ISY1: variants seen among roughly 807,000 people sequenced by gnomAD.
ISY1 encodes ISY1 spliceosome associated protein.
ISY1 carries 12 observed loss-of-function variants against 54.4 expected under a neutral mutation model. The observed-to-expected ratio is 0.22, with a 90% CI of 0.14 to 0.36. The LOEUF (loss-of-function observed/expected upper bound fraction) is 0.36, where lower values mean the gene tolerates loss of function less well. Among genes scored for constraint, ISY1 ranks in the 10% least tolerant of loss-of-function variants. The probability of loss-of-function intolerance (pLI) is 1.00; values close to 1 mark genes in which losing one functional copy is unlikely to be tolerated. For synonymous variants in ISY1, 96 were observed against 117.9 expected, an observed-to-expected ratio of 0.81 and a Z score of 1.20; for missense variants, 282 against 342.2, an observed-to-expected ratio of 0.82 and a Z score of 1.39.
At position 129,134,843 on chromosome 3, in the gene ISY1, T is replaced by C. The variant is rs1357806864; in HGVS notation, c.530A>G (p.Tyr177Cys). 2.5e-6 allele frequency: 4 copies of C among 1,608,444 alleles called. No homozygotes were observed. In the African/African-American group the frequency reaches 4.0e-5, roughly 16 times the overall value. ...GCCCAGAGACCTACGTTTCTTTTCA[T>C]ATTCCTGTTCCAAAGGCACAATAAC... ...DGVIVPLEQE[Y>C]EKKLRAELVE... The change falls in exon 8 of 11, where the codon TAT becomes TGT. Residue 177 changes from tyrosine to cysteine, a missense_variant. This residue lies in a region of ISY1 where 279 missense variants were observed against 323.6 expected (regional missense o/e 0.86). Transcript: ENST00000393295.
intron 5 of ISY1, 55 bp from the exon 6 acceptor site, chr3:129,145,928 C>G: frequency 2.0e-6 from 3 of 1,533,812 alleles, no homozygotes; most frequent in Non-Finnish European, 2.7e-6. Flanking sequence ...GTCAACACCT[C>G]TAACACGTAC....
intron 5 of ISY1, among the ~76,000 whole-genome samples, chr3:129,151,865 G>A (rs1444873388): frequency 6.6e-6 from 1 of 151,348 alleles, no homozygotes; most frequent in Admixed American, 6.6e-5. Flanking sequence ...TTTCTTATAA[G>A]TACTTTATCA....
intron 5 of ISY1, among the ~76,000 whole-genome samples, chr3:129,147,585 A>G (rs1208875959): frequency 6.6e-6 from 1 of 152,188 alleles, no homozygotes. Flanking sequence ...AAGCCAAGGC[A>G]TCTTGGAGAA....
chr3:129,147,931 GTTTTA>G (rs937693847), intron 5 of ISY1, among the ~76,000 whole-genome samples: 2 of 151,926 alleles, frequency 1.3e-5, no homozygotes, highest in Admixed American at 6.6e-5. Flanking sequence ...GAGTTGAAAT[GTTTTA>G]TTTATTTTTT....
chr3:129,144,405 T>G lies in ISY1; in HGVS notation c.300+1356A>C, dbSNP rs558740996. Among the ~76,000 whole-genome samples the G allele has an allele frequency of 8.2e-4, 125 of 152,302 alleles. No individual in the cohort carries two copies. The Middle Eastern group carries it at 0.01, about 13-fold the overall frequency. ...CATTTGTATGTACTAGGGTAAGAAT[T>G]ATGGTTATGTGTTAGACTTTCACAA... On this transcript the variant is annotated intron_variant, in intron 6 of 10. Transcript: ENST00000393295.
rs1312982555 is a variant in ISY1 at position 129,158,438 on chromosome 3, C to T, written c.78+70G>A. ...CCTCCCCAAGTATTGGGATTACAGG[C>T]ATGAGCCACTGCACCCAGCCTGCAT... On this transcript the variant is annotated intron_variant, in intron 3 of 10. Coordinates refer to ENST00000393295, the MANE Select transcript of ISY1 (RefSeq NM_020701.4). 5 of 1,599,828 alleles carry T rather than the reference C, an allele frequency of 3.1e-6. No individual in the cohort carries two copies. The East Asian group carries it at 8.9e-5, about 29-fold the overall frequency.
intron 5 of ISY1, among the ~76,000 whole-genome samples, chr3:129,156,354 G>A (rs1937140835): frequency 1.4e-5 from 2 of 142,060 alleles, no homozygotes; most frequent in African/African-American, 2.6e-5. Context: ...AGCCGAGATC[G>A]CACCACTGCA....
At chr3:129,133,981 T>C (rs1033399785) in intron 9 of ISY1, 93 bp downstream of exon 9, 9 of 1,575,914 alleles carry the variant, frequency 5.7e-6, no homozygotes, top group Non-Finnish European at 7.8e-6. Flanking sequence ...CTGTGAACCC[T>C]GACTCTGTAT....
rs147736967 is a variant in ISY1, at chr3:129,140,835, C to T, written c.301-350G>A. ...CCACCCACCTCGGCCTCCCAAAGTG[C>T]TGGGATTACAGGCGTGAGCCACTGC... is the stretch of plus-strand genomic sequence containing the variant. On this transcript the variant is annotated intron_variant, in intron 6 of 10. Transcript: ENST00000393295. Among the ~76,000 whole-genome samples the T allele has an allele frequency of 3.1e-3, 474 of 152,030 alleles. 3 individuals carry two copies. Among genetic ancestry groups the T allele is most frequent in the African/African-American group, 0.011 (462 of 41,522 alleles).
chr3:129,154,722 T>C (rs564018734), intron 5 of ISY1, among the ~76,000 whole-genome samples: 12 of 144,914 alleles, frequency 8.3e-5, no homozygotes, highest in Non-Finnish European at 1.8e-4. Context: ...AGAGTCTCGC[T>C]CTGTCTCCCA....
At chr3:129,132,727 G>C (rs529462983) in intron 9 of ISY1, among the ~76,000 whole-genome samples, 1 of 152,194 alleles carries the variant, frequency 6.6e-6, no homozygotes, top group Non-Finnish European at 1.5e-5. Context: ...CCTGCACCTG[G>C]AATGCGGCTG....
At chr3:129,144,168 G>A (rs1167895027) in intron 6 of ISY1, 1 of 440,656 alleles carries the variant, frequency 2.3e-6, no homozygotes, top group East Asian at 7.0e-5. Context: ...TCAGGCAAGG[G>A]CTCACTCTGG....
chr3:129,131,074 C>T (rs1936224163), intron 9 of ISY1, among the ~76,000 whole-genome samples: 1 of 152,186 alleles, frequency 6.6e-6, no homozygotes, highest in African/African-American at 2.4e-5. Context: ...GAAAACACCA[C>T]GGACTTGGAA....
chr3:129,149,610 A>AATATATATATATATAT (rs1199049568), intron 5 of ISY1, among the ~76,000 whole-genome samples: 1 of 24,626 alleles, frequency 4.1e-5, no homozygotes, highest in African/African-American at 1.2e-4. Flanking sequence ...AAAAAAAAAA[A>AATATATATATATATAT]ATATATATAT....
intron 6 of ISY1, among the ~76,000 whole-genome samples, chr3:129,145,126 G>C (rs144725245): frequency 0.01 from 1,577 of 152,158 alleles, 31 homozygotes; most frequent in African/African-American, 0.036. Flanking sequence ...GCCCAGGCTG[G>C]TCTCAAACTT....
chr3:129,130,767 G>A (rs1936216752), intron 9 of ISY1, 131 bp from the exon 10 acceptor site: 2 of 941,052 alleles, frequency 2.1e-6, no homozygotes, highest in South Asian at 3.8e-5. Flanking sequence ...CTTATAGAAA[G>A]ACACTTGACC....
chr3:129,159,786 C>T (rs967254294), intron 1 of ISY1, among the ~76,000 whole-genome samples: 3 of 152,220 alleles, frequency 2.0e-5, no homozygotes, highest in African/African-American at 7.2e-5. Context: ...CTCTCTATCA[C>T]TCAGTTTCCC....
At chr3:129,149,461 C>T (rs1936870183) in intron 5 of ISY1, among the ~76,000 whole-genome samples, 1 of 131,754 alleles carries the variant, frequency 7.6e-6, no homozygotes, top group South Asian at 2.4e-4. Context: ...AAAAATTAGC[C>T]AGGCATGCTG....
intron 5 of ISY1, among the ~76,000 whole-genome samples, chr3:129,149,103 A>T (rs1264081289): frequency 6.6e-6 from 1 of 152,062 alleles, no homozygotes; most frequent in Non-Finnish European, 1.5e-5. Context: ...CCTGGGCAAC[A>T]TAACAAGAGC....
Sources: allele counts gnomAD v4.1 joint callset (sites outside exome capture counted in the v4.1 genomes callset), GRCh38; gene constraint gnomAD v4.1.1; regional missense constraint gnomAD v4.1.1; transcripts MANE v1.5; gene names NCBI Gene and HGNC (gene_info 2026-07-23, HGNC 2026-07-21).